CNTNAP2: variants seen among roughly 807,000 people sequenced by gnomAD.
The protein encoded by CNTNAP2 is contactin associated protein 2.
Under a neutral mutation model 155.2 loss-of-function variants are expected in CNTNAP2, and 98 were observed. The observed-to-expected ratio is 0.63, with a 90% confidence interval of 0.54 to 0.75. The LOEUF (loss-of-function observed/expected upper bound fraction) is 0.75, where lower values mean the gene tolerates loss of function less well. Among genes scored for constraint, CNTNAP2 ranks in the 30% least tolerant of loss-of-function variants. The probability of loss-of-function intolerance (pLI) is 0.00; values close to 1 mark genes in which losing one functional copy is unlikely to be tolerated. For synonymous variants in CNTNAP2, 651 were observed against 631.2 expected (o/e 1.03, Z -0.47); for missense variants, 1,727 against 1,688.1 (o/e 1.02, Z -0.40).
intron 1 of CNTNAP2, among the ~76,000 whole-genome samples, chr7:146,754,949 G>T (rs762459146): frequency 6.6e-6 from 1 of 151,856 alleles, no homozygotes; most frequent in African/African-American, 2.4e-5. Flanking sequence ...TTTGCTTCAA[G>T]TCCAGGAGAA....
chr7:147,739,900 G>C (rs564296702), intron 13 of CNTNAP2, among the ~76,000 whole-genome samples: 2 of 152,058 alleles, frequency 1.3e-5, no homozygotes, highest in East Asian at 1.9e-4. Context: ...CAGCATTTTT[G>C]GATTTGAGGC....
intron 1 of CNTNAP2, among the ~76,000 whole-genome samples, chr7:146,488,653 G>C (rs917636436): frequency 6.6e-6 from 1 of 151,850 alleles, no homozygotes; most frequent in Non-Finnish European, 1.5e-5. Flanking sequence ...TTTGAGACAG[G>C]GTCTCACTCT....
intron 1 of CNTNAP2, among the ~76,000 whole-genome samples, chr7:146,164,452 T>C (rs1040202581): frequency 2.0e-5 from 3 of 152,216 alleles, no homozygotes; most frequent in African/African-American, 4.8e-5. Flanking sequence ...GTTACTATGT[T>C]ATGGACCAGC....
intron 1 of CNTNAP2, among the ~76,000 whole-genome samples, chr7:146,163,704 T>A (rs965629055): frequency 1.3e-5 from 2 of 149,730 alleles, no homozygotes; most frequent in Non-Finnish European, 3.0e-5. Context: ...CCTGAAATCT[T>A]GCCACTGCAC....
chr7:146,540,991 G>C (rs1797944806), intron 1 of CNTNAP2, among the ~76,000 whole-genome samples: 2 of 151,884 alleles, frequency 1.3e-5, no homozygotes, highest in African/African-American at 4.8e-5. Context: ...ATTTTTGATA[G>C]CAATTTTTCT....
At chr7:148,207,289 G>GT (rs1223461689) in intron 18 of CNTNAP2, among the ~76,000 whole-genome samples, 1 of 152,216 alleles carries the variant, frequency 6.6e-6, no homozygotes, top group Non-Finnish European at 1.5e-5. Flanking sequence ...AAATAGCTAA[G>GT]TAGTCGGGCA....
chr7:147,636,661 T>C (rs1481815924), intron 12 of CNTNAP2, among the ~76,000 whole-genome samples: 1 of 152,178 alleles, frequency 6.6e-6, no homozygotes, highest in Non-Finnish European at 1.5e-5. Context: ...GTTCTCATTT[T>C]TCAACTCCCA....
At chr7:146,383,879 T>C (rs985884780) in intron 1 of CNTNAP2, among the ~76,000 whole-genome samples, 7 of 152,198 alleles carry the variant, frequency 4.6e-5, no homozygotes, top group African/African-American at 1.7e-4. Context: ...CTGGCTTTTT[T>C]ATGTGTTAGC....
At chr7:146,376,323 C>G (rs1221388960) in intron 1 of CNTNAP2, among the ~76,000 whole-genome samples, 1 of 152,062 alleles carries the variant, frequency 6.6e-6, no homozygotes, top group Non-Finnish European at 1.5e-5. Flanking sequence ...CAGATTTAAT[C>G]TATTCGTTAC....
Position 146,611,483 on chromosome 7 carries a change from T to C in CNTNAP2, c.98-162788T>C, listed in dbSNP as rs181032423. Among the ~76,000 whole-genome samples, 320 of 152,178 alleles carry C rather than the reference T, an allele frequency of 2.1e-3. 2 individuals are homozygous for C. Among genetic ancestry groups the C allele is most frequent in the African/African-American group, 7.4e-3 (307 of 41,512 alleles). Reference sequence around the variant, plus strand: ...GTAGAAATGCTGTAGAAGAAAAAAATACATAATATTATATAAAATTTGCTG... The same window carrying C: ...GTAGAAATGCTGTAGAAGAAAAAAACACATAATATTATATAAAATTTGCTG... On this transcript the variant is annotated intron_variant, in intron 1 of 23. Transcript: ENST00000361727.
chr7:147,235,639 A>AT (rs1403135273), intron 8 of CNTNAP2, among the ~76,000 whole-genome samples: 1 of 151,854 alleles, frequency 6.6e-6, no homozygotes, highest in Non-Finnish European at 1.5e-5. Context: ...TCTCGCTTCT[A>AT]TTTTTTCACA....
At chr7:148,282,265 C>T (rs1796987252) in intron 21 of CNTNAP2, among the ~76,000 whole-genome samples, 1 of 152,172 alleles carries the variant, frequency 6.6e-6, no homozygotes, top group South Asian at 2.1e-4. Flanking sequence ...AAAACAGCTG[C>T]AAAGGCAAAT....
At chr7:146,339,434 C>T (rs1170552371) in intron 1 of CNTNAP2, among the ~76,000 whole-genome samples, 1 of 152,026 alleles carries the variant, frequency 6.6e-6, no homozygotes, top group Non-Finnish European at 1.5e-5. Flanking sequence ...ACAATTATTC[C>T]ATAGTGACAT....
chr7:146,246,003 T>C (rs1338501565), intron 1 of CNTNAP2, among the ~76,000 whole-genome samples: 2 of 149,390 alleles, frequency 1.3e-5, no homozygotes, highest in Admixed American at 6.6e-5. Context: ...TTGTAAGGCT[T>C]GTCTGGTTTT....
chr7:146,677,339 A>C (rs542345430), intron 1 of CNTNAP2, among the ~76,000 whole-genome samples: 10 of 152,320 alleles, frequency 6.6e-5, no homozygotes, highest in African/African-American at 2.4e-4. Flanking sequence ...TATAGAGACC[A>C]AGGTTTGATC....
intron 4 of CNTNAP2, among the ~76,000 whole-genome samples, chr7:147,049,546 T>G (rs955017331): frequency 2.5e-4 from 36 of 146,196 alleles, no homozygotes; most frequent in African/African-American, 6.8e-4. Flanking sequence ...GAGTGGGGAA[T>G]GTAGATTAGA....
intron 14 of CNTNAP2, among the ~76,000 whole-genome samples, chr7:147,939,655 G>A (rs1007193345): frequency 2.0e-5 from 3 of 152,152 alleles, no homozygotes; most frequent in African/African-American, 7.2e-5. Context: ...TCACAAGCCT[G>A]TAGTTCTAGC....
At chr7:147,054,167 G>C (rs1799519500) in intron 4 of CNTNAP2, among the ~76,000 whole-genome samples, 1 of 152,088 alleles carries the variant, frequency 6.6e-6, no homozygotes, top group African/African-American at 2.4e-5. Flanking sequence ...ATACAATTTT[G>C]TGAATTCTAA....
At chr7:147,552,118 G>A (rs1799863928) in intron 11 of CNTNAP2, among the ~76,000 whole-genome samples, 1 of 152,106 alleles carries the variant, frequency 6.6e-6, no homozygotes, top group African/African-American at 2.4e-5. Flanking sequence ...TCTGATTCTT[G>A]ATCTAAAAGT....
Sources: gnomAD v4.1 joint callset for allele counts (sites outside exome capture counted in the v4.1 genomes callset) on GRCh38, gnomAD v4.1.1 for gene constraint, MANE v1.5 for transcripts, NCBI Gene and HGNC (gene_info 2026-07-23, HGNC 2026-07-21) for gene names.